The following SF3B2 variants were observed in gnomAD, a reference collection of about 807,000 sequenced individuals.
SF3B2 encodes the protein splicing factor 3b subunit 2.
SF3B2 carries 22 observed loss-of-function variants against 116.3 expected under a neutral mutation model. The ratio of observed to expected loss-of-function variants is 0.19; its 90% confidence interval spans 0.14 to 0.27. SF3B2 has a LOEUF of 0.27. SF3B2 is among the 10% of genes least tolerant of loss of function. The pLI, the probability that SF3B2 is intolerant of heterozygous loss-of-function variation, is 1.00. For synonymous variants in SF3B2, 406 were observed against 421.6 expected, an observed-to-expected ratio of 0.96 and a Z score of 0.45; for missense variants, 767 against 1,151.4, an observed-to-expected ratio of 0.67 and a Z score of 4.83.
chr11:66,067,428 T>G (rs1857207431), intron 19 of SF3B2: 1 of 455,994 alleles, frequency 2.2e-6, no homozygotes, highest in African/African-American at 2.0e-5. Context: ...GCGGGAGAGG[T>G]GGAGATGATG....
rs188972879 is a variant in SF3B2 at position 66,059,850 on chromosome 11, C to T, written c.1470C>T (p.His490=). 29 of 1,614,204 alleles carry T rather than the reference C, an allele frequency of 1.8e-5. No homozygotes were observed. In the Admixed American group the frequency reaches 4.5e-4, roughly 25 times the overall value. Residue 490 remains histidine (H), a synonymous_variant, in exon 13 of 22, where the codon CAC becomes CAT. Coordinates refer to ENST00000322535, the MANE Select transcript of SF3B2 (RefSeq NM_006842.3). This position sits in a 1 kb window ranked among gnomAD's most constrained non-coding sequence, Gnocchi z 5.0. ...CGCAGGACCCTAAGCTCTTGGTTCA[C>T]CTCAAGGCCACTCGGAACTCTGTGC... ...VTAQDPKLLV[H]LKATRNSVPV...
At chr11:66,054,019 T>C (rs1226930969) in intron 3 of SF3B2, 1 of 150,000 alleles carries the variant, frequency 6.7e-6, no homozygotes, top group African/African-American at 2.5e-5. Flanking sequence ...CTCTCTCTAC[T>C]AAAAATACAA....
intron 2 of SF3B2, 93 bp downstream of exon 2, chr11:66,052,812 C>A: frequency 1.4e-6 from 2 of 1,412,812 alleles, no homozygotes; most frequent in Non-Finnish European, 1.9e-6. Context: ...CTTTCTTTAT[C>A]TCGGCACAGC....
At chr11:66,054,000 A>G (rs747537754) in intron 3 of SF3B2, 1 of 150,884 alleles carries the variant, frequency 6.6e-6, no homozygotes, top group Non-Finnish European at 1.5e-5. Flanking sequence ...CCTGGCCAAC[A>G]TGGCGAAACT....
intron 13 of SF3B2, 27 bp downstream of exon 13, chr11:66,060,036 G>A (rs765174905): frequency 3.5e-5 from 56 of 1,598,784 alleles, no homozygotes; most frequent in Admixed American, 6.7e-5. Context: ...GCTCAGACCT[G>A]CCCCCGGGTG....
chr11:66,061,896 C>G lies in SF3B2; in HGVS notation c.1875C>G (p.Ala625=). 6.2e-7 allele frequency: 1 copy of G among 1,612,096 alleles called. No homozygotes were observed. Among genetic ancestry groups the G allele is most frequent in the African/African-American group, 1.3e-5 (1 of 74,916 alleles). Residue 625 remains alanine, a synonymous_variant, in exon 16 of 22, where the codon GCC becomes GCG. Coordinates refer to ENST00000322535, the MANE Select transcript of SF3B2 (RefSeq NM_006842.3). ...CTGTTCTCTTTTTCCTGCAGAATGC[C>G]CACAAGGTCCCTCCCCCATGGCTGA... The part of the protein sequence containing the change: ...ISLGMPVGPN[A]HKVPPPWLIA...
intron 16 of SF3B2, among the ~76,000 whole-genome samples, chr11:66,062,473 C>CT (rs1240764255): frequency 2.1e-5 from 3 of 141,226 alleles, no homozygotes; most frequent in Admixed American, 7.2e-5. Context: ...CGCACCTCTA[C>CT]TTTAAAAAAA....
chr11:66,057,165 C>G lies in SF3B2; in HGVS notation c.668-101C>G, dbSNP rs1029513003. 2.4e-5 allele frequency: 22 copies of G among 912,680 alleles called. No individual in the cohort carries two copies. The South Asian group carries it at 2.5e-4, about 10-fold the overall frequency. The allele number at this position is 912,680 out of a possible 1,614,324, so 56.5% of individuals were successfully genotyped here. On this transcript the variant is annotated intron_variant, in intron 6 of 21. Coordinates refer to ENST00000322535, the MANE Select transcript of SF3B2 (RefSeq NM_006842.3). Reference sequence around the variant, plus strand: ...TCCAAAAGCCACGCCACGTGCCCTCCTCCCCTGCAGGTTTACCATCACCCT... The same window carrying G: ...TCCAAAAGCCACGCCACGTGCCCTCGTCCCCTGCAGGTTTACCATCACCCT...
chr11:66,052,581 G>C (rs1856899737), intron 1 of SF3B2, 64 bp downstream of exon 1: 2 of 1,592,340 alleles, frequency 1.3e-6, no homozygotes, highest in African/African-American at 2.7e-5. Context: ...CTGGTTACCC[G>C]GGAGACTCGG....
Position 66,063,562 on chromosome 11 carries a change from C to T in SF3B2, c.2228+20C>T, listed in dbSNP as rs769085232. 5 of 1,611,572 alleles carry T rather than the reference C, an allele frequency of 3.1e-6. No individual in the cohort carries two copies. The South Asian group carries it at 5.5e-5, about 18-fold the overall frequency. On this transcript the variant is annotated intron_variant, in intron 18 of 21. Coordinates refer to ENST00000322535, the MANE Select transcript of SF3B2 (RefSeq NM_006842.3). ...AGACAGGTGGGGGAAGCAGAGAATG[C>T]CTCTTGGAAGTGGGCTATCTTTGGG... is the stretch of plus-strand genomic sequence containing the variant.
chr11:66,058,101 G>T lies in SF3B2; in HGVS notation c.825G>T (p.Lys275Asn). The T allele has an allele frequency of 2.5e-6, 4 of 1,610,186 alleles. No homozygotes were observed. Among genetic ancestry groups the T allele is most frequent in the Non-Finnish European group, 3.4e-6 (4 of 1,178,186 alleles). ...VGPKIPQALE[K>N]ILQLKESRQE... ...CCAAGATCCCCCAGGCTTTGGAGAA[G>T]ATCCTGCAGCTGAAGGAGAGCCGCC... is the stretch of plus-strand genomic sequence containing the variant. Residue 275 changes from lysine (K) to asparagine (N), a missense_variant, in exon 8 of 22, where the codon AAG (lysine) becomes AAT (asparagine). Lys to Asn is a moderately conservative substitution (Grantham distance 94, BLOSUM62 0). This residue lies in a region of SF3B2 where 455 missense variants were observed against 537.5 expected (regional missense o/e 0.85). Transcript: ENST00000322535.
chr11:66,062,575 T>G (rs1025258765), intron 16 of SF3B2, among the ~76,000 whole-genome samples: 26 of 150,630 alleles, frequency 1.7e-4, no homozygotes, highest in Non-Finnish European at 2.7e-4. Flanking sequence ...ATTTCTTATT[T>G]TAAAATAAGC....
intron 14 of SF3B2, 30 bp from the exon 15 acceptor site, chr11:66,061,656 A>C (rs543230332): frequency 6.4e-7 from 1 of 1,557,194 alleles, no homozygotes; most frequent in East Asian, 2.2e-5. Context: ...GTCTGGGTCT[A>C]CAATGTAGCA....
In SF3B2 at chr11:66,063,497, A is replaced by C. The variant is rs11554201; in HGVS notation, c.2183A>C (p.Asp728Ala). ...SSEEEEEEESDEDKPDETGFI... is the reference protein window; with the variant it reads ...SSEEEEEEESAEDKPDETGFI... ...GAAGAAGAGGAAGAGGAAGAAAGTG[A>C]TGAAGACAAACCAGATGAGACAGGC... Residue 728 changes from aspartate (D) to alanine (A), a missense_variant, in exon 18 of 22, where the codon GAT (aspartate) becomes GCT (alanine). Physicochemically the swap from Asp to Ala is moderately radical, Grantham distance 126. Coordinates refer to ENST00000322535, the MANE Select transcript of SF3B2 (RefSeq NM_006842.3). 1 of 1,614,100 alleles carries C rather than the reference A, an allele frequency of 6.2e-7. No individual in the cohort carries two copies. Among genetic ancestry groups the C allele is most frequent in the Non-Finnish European group, 8.5e-7 (1 of 1,180,022 alleles).
rs1856967857 is a variant in SF3B2, at chr11:66,055,119, C to T, written c.302C>T (p.Pro101Leu). 2 of 1,557,380 alleles carry T rather than the reference C, an allele frequency of 1.3e-6. No individual in the cohort carries two copies. Among genetic ancestry groups the T allele is most frequent in the African/African-American group, 1.4e-5 (1 of 73,356 alleles). ...PMPPPPLGLPPLQPPPPPPPP... is the reference protein window; with the variant it reads ...PMPPPPLGLPLLQPPPPPPPP... ...CCACCACCACCTTTGGGACTCCCCCCTCTGCAGCCTCCTCCGCCACCCCCA... is the reference window on the plus strand; with the variant it reads ...CCACCACCACCTTTGGGACTCCCCCTTCTGCAGCCTCCTCCGCCACCCCCA... Residue 101 changes from proline to leucine, a missense_variant, in exon 4 of 22, where the codon CCT (proline) becomes CTT (leucine). Transcript: ENST00000322535.
At chr11:66,066,176 TAAC>T (rs1857180273) in intron 19 of SF3B2, 1 of 152,022 alleles carries the variant, frequency 6.6e-6, no homozygotes, top group African/African-American at 2.4e-5. Context: ...CACCTGGCTA[TAAC>T]AACATTTTAA....
Position 66,068,157 on chromosome 11 carries a change from C to T in SF3B2, c.2440C>T (p.Arg814Trp). 5.0e-6 allele frequency: 8 copies of T among 1,614,076 alleles called. No homozygotes were observed. Among genetic ancestry groups the T allele is most frequent in the Non-Finnish European group, 6.8e-6 (8 of 1,180,008 alleles). ...CTGATCTCCTTTCCAGGTTATGAGCCGGAAGGGCCCGGCTCCTGAGCTGCA... is the reference window on the plus strand; with the variant it reads ...CTGATCTCCTTTCCAGGTTATGAGCTGGAAGGGCCCGGCTCCTGAGCTGCA... ...HIYDMSTVMSRKGPAPELQGV... is the reference protein window; with the variant it reads ...HIYDMSTVMSWKGPAPELQGV... Residue 814 changes from arginine to tryptophan, a missense_variant, in exon 21 of 22, where the codon CGG (arginine) becomes TGG (tryptophan). This residue lies in a region of SF3B2 where 282 missense variants were observed against 568.0 expected (regional missense o/e 0.50). Coordinates refer to ENST00000322535, the MANE Select transcript of SF3B2 (RefSeq NM_006842.3).
At chr11:66,066,934 C>T in intron 19 of SF3B2, 1 of 163,420 alleles carries the variant, frequency 6.1e-6, no homozygotes, top group East Asian at 1.8e-4. Flanking sequence ...TCACGGAGTC[C>T]TCAGGGCTCT....
intron 3 of SF3B2, among the ~76,000 whole-genome samples, chr11:66,054,493 AT>A (rs1590708248): frequency 6.7e-6 from 1 of 148,456 alleles, no homozygotes; most frequent in Non-Finnish European, 1.5e-5. Context: ...AAAAAAAAAA[AT>A]ACAGCTTGAA....
Sources: allele counts gnomAD v4.1 joint callset (sites outside exome capture counted in the v4.1 genomes callset), GRCh38; gene constraint gnomAD v4.1.1; regional missense constraint gnomAD v4.1.1; non-coding constraint Gnocchi (gnomAD v3.1); transcripts MANE v1.5; gene names NCBI Gene and HGNC (gene_info 2026-07-23, HGNC 2026-07-21).